Variants in DPP10 observed in about 807,000 individuals in gnomAD.
DPP10 encodes inactive dipeptidyl peptidase 10.
In DPP10, 33 loss-of-function variants were observed where a neutral mutation model predicts 120.9. The observed-to-expected ratio is 0.27, with a 90% CI of 0.21 to 0.37. The LOEUF is 0.37. Among genes scored for constraint, DPP10 ranks in the 10% least tolerant of loss-of-function variants. The pLI is 1.00. For missense variants in DPP10, 816 were observed against 942.8 expected (o/e 0.87, Z 1.76); for synonymous variants, 337 against 326.1 (o/e 1.03, Z -0.36).
chr2:115,341,325 G>C (rs1329323224), intron 2 of DPP10, among the ~76,000 whole-genome samples: 2 of 151,814 alleles, frequency 1.3e-5, no homozygotes, highest in Non-Finnish European at 2.9e-5. Context: ...TTGAGTGAAA[G>C]GTACAGGAAT....
chr2:114,482,929 A>G (rs1242963956), intron 1 of DPP10, among the ~76,000 whole-genome samples: 1 of 152,204 alleles, frequency 6.6e-6, no homozygotes, highest in Non-Finnish European at 1.5e-5. Context: ...ACATCTGCAT[A>G]TTTGTGGCCA....
At position 114,783,651 on chromosome 2, in the gene DPP10, A is replaced by G. The variant is rs566130487; in HGVS notation, c.60+340813A>G. Reference sequence around the variant, plus strand: ...CAGGAGTTTGAGACCAGCCTGGACAACATGACGAAAACCCATCTCTAAAAA... The same window carrying G: ...CAGGAGTTTGAGACCAGCCTGGACAGCATGACGAAAACCCATCTCTAAAAA... On this transcript the variant is annotated intron_variant, in intron 1 of 25. Transcript: ENST00000410059. Among the ~76,000 whole-genome samples, 20 of 152,134 alleles carry G rather than the reference A, an allele frequency of 1.3e-4. No homozygotes were observed. The South Asian group carries it at 2.9e-3, about 22-fold the overall frequency.
chr2:114,450,425 AT>A (rs776466053), intron 1 of DPP10, among the ~76,000 whole-genome samples: 5,231 of 148,136 alleles, frequency 0.035, 140 homozygotes, highest in Non-Finnish European at 0.057. Flanking sequence ...AAGTGCTCTG[AT>A]TTTTTTTTTT....
rs188761378 is a variant in DPP10, at chr2:115,100,446, G to A, written c.61-208793G>A. Among the ~76,000 whole-genome samples, 1,261 of 147,020 alleles carry A rather than the reference G, an allele frequency of 8.6e-3. 9 individuals carry two copies. The highest frequency in any genetic ancestry group is 0.024 in the Middle Eastern group (7 of 292). The stretch of plus-strand genomic sequence containing the variant: ...CCGCTGAGTGACAGAATGTGACCAC[G>A]TCTAAATTAAAAAACACACACACAC... On this transcript the variant is annotated intron_variant, in intron 1 of 25. Coordinates refer to ENST00000410059, the MANE Select transcript of DPP10 (RefSeq NM_020868.6).
intron 1 of DPP10, among the ~76,000 whole-genome samples, chr2:114,479,070 G>A (rs1466062696): frequency 7.2e-6 from 1 of 138,616 alleles, no homozygotes; most frequent in Non-Finnish European, 1.5e-5. Flanking sequence ...AATAAATTAA[G>A]CATGTACAGA....
chr2:115,015,088 TGC>T (rs1396219733), intron 1 of DPP10, among the ~76,000 whole-genome samples: 1 of 152,086 alleles, frequency 6.6e-6, no homozygotes, highest in African/African-American at 2.4e-5. Context: ...TGAACATCGA[TGC>T]GAAAATCCTT....
chr2:115,740,385 A>G (rs896715973), intron 9 of DPP10, among the ~76,000 whole-genome samples: 6 of 152,186 alleles, frequency 3.9e-5, no homozygotes, highest in Non-Finnish European at 7.4e-5. Context: ...TAGACTATGC[A>G]TAAAGAATCT....
chr2:114,490,004 A>T (rs1681847322), intron 1 of DPP10, among the ~76,000 whole-genome samples: 1 of 152,194 alleles, frequency 6.6e-6, no homozygotes, highest in Non-Finnish European at 1.5e-5. Context: ...TATTTTTATT[A>T]TATATCTATT....
At chr2:115,301,750 T>A (rs1019194667) in intron 1 of DPP10, among the ~76,000 whole-genome samples, 2 of 152,002 alleles carry the variant, frequency 1.3e-5, no homozygotes, top group Non-Finnish European at 2.9e-5. Context: ...ATTTTGTCTT[T>A]TTTAGTAGCT....
At chr2:114,948,028 C>T (rs928559447) in intron 1 of DPP10, among the ~76,000 whole-genome samples, 7 of 151,958 alleles carry the variant, frequency 4.6e-5, no homozygotes, top group African/African-American at 7.2e-5. Flanking sequence ...ATATTCTTCT[C>T]TTTATATATT....
intron 21 of DPP10, among the ~76,000 whole-genome samples, chr2:115,824,367 G>A (rs972563932): frequency 1.3e-5 from 2 of 151,936 alleles, no homozygotes; most frequent in African/African-American, 4.8e-5. Context: ...GGTTTGTTAC[G>A]TGGGTATACA....
At position 115,652,733 on chromosome 2, in the gene DPP10, C is replaced by G. The variant is rs576072041; in HGVS notation, c.442-36954C>G. ...CAGAGAAAGCGAATCATCTCTTATT[C>G]TGCATTTTGTTTGATTCAAGCCTCC... On this transcript the variant is annotated intron_variant, in intron 5 of 25. Transcript: ENST00000410059. 4.0e-5 allele frequency among the ~76,000 whole-genome samples: 6 copies of G among 151,796 alleles called. No homozygotes were observed. In the East Asian group the frequency reaches 7.8e-4, roughly 20 times the overall value.
chr2:114,702,416 G>A (rs576949564), intron 1 of DPP10, among the ~76,000 whole-genome samples: 32 of 151,946 alleles, frequency 2.1e-4, no homozygotes, highest in Non-Finnish European at 4.4e-4. Flanking sequence ...TCTATTCCTA[G>A]CATCTGCCTG....
At chr2:115,078,473 T>C (rs1198093092) in intron 1 of DPP10, among the ~76,000 whole-genome samples, 1 of 152,198 alleles carries the variant, frequency 6.6e-6, no homozygotes, top group Admixed American at 6.5e-5. Context: ...GTGGTTCCAT[T>C]ATATGTTTTA....
intron 1 of DPP10, among the ~76,000 whole-genome samples, chr2:114,619,419 A>C (rs576648155): frequency 3.4e-4 from 51 of 150,802 alleles, no homozygotes; most frequent in African/African-American, 8.8e-4. Flanking sequence ...GTGTACACAC[A>C]CATATAGTGA....
chr2:115,476,016 G>A (rs2075052018), intron 3 of DPP10, among the ~76,000 whole-genome samples: 1 of 152,094 alleles, frequency 6.6e-6, no homozygotes, highest in African/African-American at 2.4e-5. Flanking sequence ...AGTTAATACT[G>A]GAGTGAGTTA....
At chr2:114,882,897 A>G (rs1691762077) in intron 1 of DPP10, among the ~76,000 whole-genome samples, 1 of 152,186 alleles carries the variant, frequency 6.6e-6, no homozygotes, top group South Asian at 2.1e-4. Flanking sequence ...AGCATTCACA[A>G]TTTCTATAGT....
rs78130605 is a variant in DPP10, at chr2:115,054,369, T to G, written c.61-254870T>G. Among the ~76,000 whole-genome samples the G allele has an allele frequency of 3.0e-3, 451 of 152,292 alleles. 11 individuals carry two copies. In the East Asian group the frequency reaches 0.056, roughly 19 times the overall value. ...TTTATCTCTTCCTAACAGCAATTTT[T>G]AAGCATATATCTGTTAATCTAGGTC... On this transcript the variant is annotated intron_variant, in intron 1 of 25. Transcript: ENST00000410059.
intron 21 of DPP10, among the ~76,000 whole-genome samples, chr2:115,817,141 G>C (rs545266261): frequency 6.6e-6 from 1 of 151,684 alleles, no homozygotes; most frequent in African/African-American, 2.4e-5. Flanking sequence ...CCAGCTACTC[G>C]GGAAGCTGAG....
Sources: gnomAD v4.1 joint callset for allele counts (sites outside exome capture counted in the v4.1 genomes callset) on GRCh38, gnomAD v4.1.1 for gene constraint, MANE v1.5 for transcripts, NCBI Gene and HGNC (gene_info 2026-07-23, HGNC 2026-07-21) for gene names.